HCN4: variants seen among roughly 807,000 people sequenced by gnomAD.
HCN4 encodes the protein potassium/sodium hyperpolarization-activated cyclic nucleotide-gated channel 4.
HCN4 carries 29 observed loss-of-function variants against 76.9 expected under a neutral mutation model. That is an observed-to-expected ratio of 0.38 (90% confidence interval 0.28 to 0.51). HCN4 has a LOEUF of 0.51. Among genes scored for constraint, HCN4 ranks in the 20% least tolerant of loss-of-function variants. The pLI, the probability that HCN4 is intolerant of heterozygous loss-of-function variation, is 0.90. For missense variants in HCN4, 1,416 were observed against 1,715.2 expected (o/e 0.83, Z 3.08); for synonymous variants, 772 against 762.5 (o/e 1.01, Z -0.21).
intron 2 of HCN4, among the ~76,000 whole-genome samples, chr15:73,334,623 GAC>G (rs2042951716): frequency 6.6e-6 from 1 of 151,860 alleles, no homozygotes; most frequent in Non-Finnish European, 1.5e-5. Context: ...GAGGGCGAGT[GAC>G]ACAGCACCAT....
intron 1 of HCN4, among the ~76,000 whole-genome samples, chr15:73,350,684 C>T (rs1481703948): frequency 6.6e-6 from 1 of 152,176 alleles, no homozygotes; most frequent in Admixed American, 6.5e-5. Flanking sequence ...CTCCTCTTCC[C>T]AGTCACAGGG....
At position 73,323,399 on chromosome 15, in the gene HCN4, G is replaced by A. The variant is rs375169111; in HGVS notation, c.2694C>T (p.Gly898=). Residue 898 remains glycine, a synonymous_variant, in exon 8 of 8, where the codon GGC becomes GGT. Coordinates refer to ENST00000261917, the MANE Select transcript of HCN4 (RefSeq NM_005477.3). The part of the protein sequence containing the change: ...GSPSAPTPSA[G]VAATTIAGFG... ...ACCCGGCTATGGTGGTGGCGGCTAC[G>A]CCAGCTGATGGTGTGGGAGCCGAGG... is the stretch of plus-strand genomic sequence containing the variant. The A allele has an allele frequency of 1.4e-4, 220 of 1,596,276 alleles. No individual in the cohort carries two copies. Among genetic ancestry groups the A allele is most frequent in the African/African-American group, 1.1e-3 (85 of 74,742 alleles).
intron 2 of HCN4, among the ~76,000 whole-genome samples, chr15:73,336,171 C>T (rs1388499845): frequency 6.6e-6 from 1 of 152,144 alleles, no homozygotes; most frequent in South Asian, 2.1e-4. Context: ...CTGGACAGCA[C>T]GGCTGGTAGC....
chr15:73,322,822 G>A lies in HCN4; in HGVS notation c.3271C>T (p.Pro1091Ser). Residue 1091 changes from proline (P) to serine (S), a missense_variant, in exon 8 of 8, where the codon CCA (proline) becomes TCA (serine). Transcript: ENST00000261917. Reference sequence around the variant, plus strand: ...TGCGCCCCGTCCTGAGGCAGGGCTGGCTGAGACGCGGAGATGAGCTTGAGG... The same window carrying A: ...TGCGCCCCGTCCTGAGGCAGGGCTGACTGAGACGCGGAGATGAGCTTGAGG... The part of the protein sequence containing the change: ...QDLKLISASQ[P>S]ALPQDGAQTL... 1 of 1,528,220 alleles carries A rather than the reference G, an allele frequency of 6.5e-7. No individual in the cohort carries two copies. The highest frequency in any genetic ancestry group is 8.8e-7 in the Non-Finnish European group (1 of 1,139,014). 94.7% of individuals were successfully genotyped at this position (1,528,220 alleles called of 1,614,324 possible). A position where few individuals can be genotyped will look rare whatever the true frequency, so the allele number is the denominator to read the frequency against.
chr15:73,323,861 C>A lies in HCN4; in HGVS notation c.2232G>T (p.Gln744His), dbSNP rs537051969. The change falls in exon 8 of 8, where the codon CAG becomes CAT. Residue 744 changes from glutamine to histidine, a missense_variant. Gln to His is a conservative substitution (Grantham distance 24). This residue lies in a region of HCN4 where 241 missense variants were observed against 379.4 expected (regional missense o/e 0.64). Transcript: ENST00000261917. ...CCATCTCCCGGTCATGCTGCACAATCTGCTGGATGATCTCATTCTCCTGGT... is the reference window on the plus strand; with the variant it reads ...CCATCTCCCGGTCATGCTGCACAATATGCTGGATGATCTCATTCTCCTGGT... ...FNYQENEIIQ[Q>H]IVQHDREMAH... 6.2e-7 allele frequency: 1 copy of A among 1,604,730 alleles called. No individual in the cohort carries two copies. Among genetic ancestry groups the A allele is most frequent in the South Asian group, 1.1e-5 (1 of 91,090 alleles).
At position 73,325,995 on chromosome 15, in the gene HCN4, A is replaced by C. The variant is rs1321134498; in HGVS notation, c.1591-551T>G. 6.6e-6 allele frequency among the ~76,000 whole-genome samples: 1 copy of C among 152,186 alleles called. No individual in the cohort carries two copies. The highest frequency in any genetic ancestry group is 1.5e-5 in the Non-Finnish European group (1 of 68,020). ...GGGTCATTTCGTTGAGAGCAACTCC[A>C]GGTAAGGGAAAAGCAGGGTAGACTA... On this transcript the variant is annotated intron_variant, in intron 4 of 7. Transcript: ENST00000261917. This position sits in a 1 kb window ranked among gnomAD's most constrained non-coding sequence, Gnocchi z 7.4.
rs2042894644 is a variant in HCN4 at position 73,325,578 on chromosome 15, C to T, written c.1591-134G>A. On this transcript the variant is annotated intron_variant, in intron 4 of 7. Coordinates refer to ENST00000261917, the MANE Select transcript of HCN4 (RefSeq NM_005477.3). This position sits in a 1 kb window ranked among gnomAD's most constrained non-coding sequence, Gnocchi z 7.4. Reference sequence around the variant, plus strand: ...CTGGCTAAACTTGGTTCCTTGAGATCTGAGGTCTACAGTGTGGAAATGACC... The same window carrying T: ...CTGGCTAAACTTGGTTCCTTGAGATTTGAGGTCTACAGTGTGGAAATGACC... 1.1e-5 allele frequency: 10 copies of T among 878,262 alleles called. No individual in the cohort carries two copies. The highest frequency in any genetic ancestry group is 3.8e-6 in the Non-Finnish European group (2 of 530,156). 54.4% of individuals were successfully genotyped at this position (878,262 alleles called of 1,614,324 possible).
intron 1 of HCN4, among the ~76,000 whole-genome samples, chr15:73,360,601 T>A (rs544731785): frequency 1.4e-4 from 22 of 152,350 alleles, no homozygotes; most frequent in African/African-American, 5.1e-4. Context: ...AGTTCTGATA[T>A]TCATGGCTGC....
In HCN4 at chr15:73,322,580, T is replaced by C. The variant is rs1227703020; in HGVS notation, c.3513A>G (p.Arg1171=). ...GAGGGGGCCCCCCAGAAGAGGTGGC[T>C]CTTGCCCCAAACAAAGACAGAGGGG... ...LPPPLSLFGA[R]ATSSGGPPLT... is the part of the protein sequence containing the mutation. Residue 1171 remains arginine (R), a synonymous_variant, in exon 8 of 8, where the codon AGA becomes AGG. Coordinates refer to ENST00000261917, the MANE Select transcript of HCN4 (RefSeq NM_005477.3). 7 of 1,610,040 alleles carry C rather than the reference T, an allele frequency of 4.3e-6. No homozygotes were observed. The highest frequency in any genetic ancestry group is 3.4e-6 in the Non-Finnish European group (4 of 1,178,618).
chr15:73,328,447 T>C lies in HCN4; in HGVS notation c.1590+1126A>G, dbSNP rs944505640. Among the ~76,000 whole-genome samples the C allele has an allele frequency of 1.3e-5, 2 of 151,868 alleles. No homozygotes were observed. Among genetic ancestry groups the C allele is most frequent in the African/African-American group, 4.8e-5 (2 of 41,392 alleles). ...TCTACATCTTCAGAGCAACGTGAAG[T>C]CCCTGAAGAGTTTCAAGCAGAGGAT... On this transcript the variant is annotated intron_variant, in intron 4 of 7. Coordinates refer to ENST00000261917, the MANE Select transcript of HCN4 (RefSeq NM_005477.3). The surrounding 1 kb of genome is among the most constrained non-coding windows in gnomAD (Gnocchi z 4.0).
chr15:73,337,216 T>C (rs1012432390), intron 2 of HCN4, among the ~76,000 whole-genome samples: 1 of 152,260 alleles, frequency 6.6e-6, no homozygotes, highest in Non-Finnish European at 1.5e-5. Context: ...TTTGCCCTGA[T>C]GAATTTCCTT....
At chr15:73,356,406 T>G in intron 1 of HCN4, among the ~76,000 whole-genome samples, 1 of 134,986 alleles carries the variant, frequency 7.4e-6, no homozygotes, top group Non-Finnish European at 1.6e-5. Flanking sequence ...AGAGGTAGGG[T>G]CTCTCCATGT....
rs1340301658 is a variant in HCN4 at position 73,343,651 on chromosome 15, G to A, written c.943C>T (p.Arg315Cys). 1.2e-6 allele frequency: 2 copies of A among 1,614,164 alleles called. No homozygotes were observed. Among genetic ancestry groups the A allele is most frequent in the East Asian group, 2.2e-5 (1 of 44,878 alleles). Residue 315 changes from arginine (R) to cysteine (C), a missense_variant, in exon 2 of 8, where the codon CGC becomes TGC. Coordinates refer to ENST00000261917, the MANE Select transcript of HCN4 (RefSeq NM_005477.3). This position sits in a 1 kb window ranked among gnomAD's most constrained non-coding sequence, Gnocchi z 5.7. Reference protein sequence around the residue: ...FFLIDLVLNFRTGIVVEDNTE... With the variant: ...FFLIDLVLNFCTGIVVEDNTE... ...TTGTCCTCCACCACGATCCCTGTGC[G>A]GAAGTTGAGGACCAAGTCGATGAGG...
chr15:73,333,142 T>A (rs2042942304), intron 2 of HCN4, among the ~76,000 whole-genome samples: 1 of 152,210 alleles, frequency 6.6e-6, no homozygotes. Flanking sequence ...AGTGGGGGGC[T>A]GCAGTGTAGC....
chr15:73,324,307 G>A, intron 6 of HCN4, 54 bp from the exon 7 acceptor site: 2 of 1,587,284 alleles, frequency 1.3e-6, no homozygotes, highest in Middle Eastern at 1.8e-4. Flanking sequence ...CCAGGCCAGG[G>A]GGACTGCCCA....
chr15:73,350,834 C>T (rs547124298), intron 1 of HCN4, among the ~76,000 whole-genome samples: 1 of 152,192 alleles, frequency 6.6e-6, no homozygotes, highest in South Asian at 2.1e-4. Flanking sequence ...TCCTTTTAAG[C>T]TCTCTAAACT....
Position 73,323,029 on chromosome 15 carries a change from G to A in HCN4, c.3064C>T (p.Arg1022Ter), listed in dbSNP as rs762950777. 1.1e-5 allele frequency: 16 copies of A among 1,494,114 alleles called. No homozygotes were observed. The highest frequency in any genetic ancestry group is 1.4e-5 in the African/African-American group (1 of 71,394). The allele number at this position is 1,494,114 out of a possible 1,614,324, so 92.6% of individuals were successfully genotyped here. ...GGASPVGFTP[R>*]GGLSPPGHSP... ...TGGCCAGGGGGGCTGAGACCTCCTC[G>A]GGGAGTAAAGCCTACAGGGGAAGCC... is the stretch of plus-strand genomic sequence containing the variant. Residue 1022 changes from arginine to a stop codon, truncating the protein, a stop_gained, in exon 8 of 8, where the codon CGA becomes TGA. Coordinates refer to ENST00000261917, the MANE Select transcript of HCN4 (RefSeq NM_005477.3). LOFTEE classifies it high-confidence loss of function.
intron 2 of HCN4, chr15:73,335,513 T>G (rs2042958539): frequency 6.6e-6 from 1 of 152,288 alleles, no homozygotes; most frequent in Non-Finnish European, 1.5e-5. Flanking sequence ...GGGCCAGACT[T>G]GAAATGAGAA....
rs2042865036 is a variant in HCN4 at position 73,322,437 on chromosome 15, G to A, written c.*44C>T. 1 of 1,435,020 alleles carries A rather than the reference G, an allele frequency of 7.0e-7. No individual in the cohort carries two copies. The highest frequency in any genetic ancestry group is 2.5e-5 in the East Asian group (1 of 40,652). The allele number at this position is 1,435,020 out of a possible 1,614,324, so 88.9% of individuals were successfully genotyped here. A position where few individuals can be genotyped will look rare whatever the true frequency, so the allele number is the denominator to read the frequency against. On this transcript the variant is annotated 3_prime_UTR_variant, in exon 8 of 8. Coordinates refer to ENST00000261917, the MANE Select transcript of HCN4 (RefSeq NM_005477.3). ...TCACAGTTAAACCTGAAGGAAGAAG[G>A]AAGGGAGAGAAAAGAAGAAAGAAGA...
Sources: allele counts gnomAD v4.1 joint callset (sites outside exome capture counted in the v4.1 genomes callset), GRCh38; gene constraint gnomAD v4.1.1; regional missense constraint gnomAD v4.1.1; non-coding constraint Gnocchi (gnomAD v3.1); transcripts MANE v1.5; gene names NCBI Gene and HGNC (gene_info 2026-07-23, HGNC 2026-07-21).